NIPSNAP3B: variants seen among roughly 807,000 people sequenced by gnomAD.
NIPSNAP3B encodes nipsnap homolog 3B.
In NIPSNAP3B, 30 loss-of-function variants were observed where a neutral mutation model predicts 31.5. That is an observed-to-expected ratio of 0.95 (90% CI 0.71 to 1.29). The LOEUF (loss-of-function observed/expected upper bound fraction) is 1.29. Among genes scored for constraint, NIPSNAP3B ranks in the 50% most tolerant of loss-of-function variants. The pLI is 0.00. For missense variants in NIPSNAP3B, 269 were observed against 300.7 expected (o/e 0.89, Z 0.78); for synonymous variants, 106 against 107.9 (o/e 0.98, Z 0.11).
In NIPSNAP3B at chr9:104,768,989, C is replaced by T. The variant is rs779954080; in HGVS notation, c.398C>T (p.Pro133Leu). 1.2e-5 allele frequency: 19 copies of T among 1,613,434 alleles called. No individual in the cohort carries two copies. Among genetic ancestry groups the T allele is most frequent in the South Asian group, 5.5e-5 (5 of 91,022 alleles). The change falls in exon 3 of 6, where the codon CCA (proline) becomes CTA (leucine). Residue 133 changes from proline to leucine, a missense_variant. Coordinates refer to ENST00000374762, the MANE Select transcript of NIPSNAP3B (RefSeq NM_018376.4). The stretch of plus-strand genomic sequence containing the variant: ...GAGACGGAAATTACTTACCTGATAC[C>T]ATGGTCCAAATTAGAAAAGCCTCCA... ...KQETEITYLI[P>L]WSKLEKPPKE...
intron 4 of NIPSNAP3B, among the ~76,000 whole-genome samples, chr9:104,771,900 G>T (rs558859265): frequency 6.6e-6 from 1 of 152,070 alleles, no homozygotes; most frequent in East Asian, 1.9e-4. Context: ...GTTATTTTTT[G>T]ACTTTTTAGT....
At chr9:104,785,246 G>A in the NIPSNAP3B span, 15 of 1,005,228 alleles carry the variant, frequency 1.5e-5, no homozygotes, top group Non-Finnish European at 1.8e-5. Context: ...CAGGTTCAGA[G>A]AGGTTTAGTA....
intron 1 of NIPSNAP3B, 86 bp downstream of exon 1, chr9:104,764,386 A>T (rs1588164934): frequency 1.7e-6 from 2 of 1,207,008 alleles, no homozygotes; most frequent in South Asian, 1.5e-5. Flanking sequence ...AGCCACGCTC[A>T]GGCGCTCCCA....
At chr9:104,788,282 G>A in the NIPSNAP3B span, 1 of 1,254,188 alleles carries the variant, frequency 8.0e-7, no homozygotes, top group Non-Finnish European at 1.2e-6. Flanking sequence ...TTTCCACCCT[G>A]AAAGCAGATA....
At chr9:104,783,622 G>A in the NIPSNAP3B span, 51,208 of 152,270 alleles carry the variant, frequency 0.34, 9,305 homozygotes, top group East Asian at 0.76. Flanking sequence ...TCCCGTGCCT[G>A]GAGACACCCA....
At chr9:104,784,997 A>T in the NIPSNAP3B span, among the ~76,000 whole-genome samples, 2 of 152,132 alleles carry the variant, frequency 1.3e-5, no homozygotes, top group Admixed American at 1.3e-4. Flanking sequence ...CTGCTCAGTC[A>T]TCCATTTACT....
the NIPSNAP3B span, chr9:104,785,603 T>C: frequency 1.2e-6 from 2 of 1,614,156 alleles, no homozygotes; most frequent in East Asian, 2.2e-5. Context: ...GGTTGGACCC[T>C]GCTATTCGTA....
chr9:104,779,135 A>AT (rs1296610081), downstream of NIPSNAP3B, among the ~76,000 whole-genome samples: 3 of 151,996 alleles, frequency 2.0e-5, no homozygotes, highest in Non-Finnish European at 4.4e-5. Context: ...TTTTTATTCG[A>AT]TTCTGAGCAT....
the NIPSNAP3B span, chr9:104,784,304 A>T: frequency 1.9e-6 from 3 of 1,613,920 alleles, no homozygotes; most frequent in African/African-American, 4.0e-5. Flanking sequence ...ACCCCGTATG[A>T]ACAGGATTCT....
chr9:104,782,186 T>A (rs573577369), downstream of NIPSNAP3B: 41 of 152,232 alleles, frequency 2.7e-4, no homozygotes, highest in South Asian at 8.5e-3. Context: ...GAGAAATTAT[T>A]CTATAAATTC....
At chr9:104,785,313 C>G in the NIPSNAP3B span, 6 of 1,559,856 alleles carry the variant, frequency 3.8e-6, no homozygotes, top group Non-Finnish European at 5.3e-6. Flanking sequence ...AAGATACAAA[C>G]TGCTCTTGGA....
chr9:104,764,342 A>C, intron 1 of NIPSNAP3B, 42 bp downstream of exon 1: 1 of 1,501,818 alleles, frequency 6.7e-7, no homozygotes, highest in Non-Finnish European at 9.0e-7. Flanking sequence ...GCCGGAGGGG[A>C]GGGGAGGGGC....
chr9:104,769,259 G>A (rs185713625), intron 3 of NIPSNAP3B, among the ~76,000 whole-genome samples: 10 of 152,030 alleles, frequency 6.6e-5, no homozygotes, highest in Non-Finnish European at 2.9e-5. Context: ...TTCAAGATCC[G>A]CCTGGTCAAC....
chr9:104,772,921 A>G lies in NIPSNAP3B; in HGVS notation c.667+13A>G. The G allele has an allele frequency of 6.2e-7, 1 of 1,613,726 alleles. No individual in the cohort carries two copies. Among genetic ancestry groups the G allele is most frequent in the Non-Finnish European group, 8.5e-7 (1 of 1,179,836 alleles). Reference sequence around the variant, plus strand: ...GTTGTGGCGGCTGGTAAGCTGTTTCACTAAGCACGAATTATTTTTAGAACA... The same window carrying G: ...GTTGTGGCGGCTGGTAAGCTGTTTCGCTAAGCACGAATTATTTTTAGAACA... On this transcript the variant is annotated intron_variant, in intron 5 of 5. Transcript: ENST00000374762.
At position 104,776,162 on chromosome 9, in the gene NIPSNAP3B, T is replaced by A. The variant is rs1828332358; in HGVS notation, c.*3089T>A. 6.6e-6 allele frequency among the ~76,000 whole-genome samples: 1 copy of A among 152,178 alleles called. No homozygotes were observed. The highest frequency in any genetic ancestry group is 2.4e-5 in the African/African-American group (1 of 41,444). On this transcript the variant is annotated 3_prime_UTR_variant, in exon 6 of 6. Coordinates refer to ENST00000374762, the MANE Select transcript of NIPSNAP3B (RefSeq NM_018376.4). ...ATCTGTCCTGTTACATTTTCCACTCTCGCTCCAGACCTGACCTAAGAGGCT... is the reference window on the plus strand; with the variant it reads ...ATCTGTCCTGTTACATTTTCCACTCACGCTCCAGACCTGACCTAAGAGGCT...
downstream of NIPSNAP3B, chr9:104,781,754 T>C (rs962029262): frequency 6.6e-6 from 1 of 152,594 alleles, no homozygotes; most frequent in African/African-American, 2.4e-5. Flanking sequence ...GTCCCAAAGA[T>C]GCAAAAGCAG....
downstream of NIPSNAP3B, among the ~76,000 whole-genome samples, chr9:104,779,319 C>T (rs1315275767): frequency 6.6e-6 from 1 of 152,190 alleles, no homozygotes; most frequent in African/African-American, 2.4e-5. Flanking sequence ...TTTTCTTCTA[C>T]ATTGTACCCC....
chr9:104,789,231 G>A, the NIPSNAP3B span, among the ~76,000 whole-genome samples: 18 of 152,304 alleles, frequency 1.2e-4, no homozygotes, highest in East Asian at 1.9e-4. Context: ...CGTGGACACC[G>A]TGCCAGGCCC....
At chr9:104,769,453 C>A (rs865916823) in intron 3 of NIPSNAP3B, among the ~76,000 whole-genome samples, 637 of 109,232 alleles carry the variant, frequency 5.8e-3, no homozygotes, top group South Asian at 0.014. Context: ...GACTCCGTCT[C>A]AAAAAAAAAA....
Sources: allele counts gnomAD v4.1 joint callset (sites outside exome capture counted in the v4.1 genomes callset), GRCh38; gene constraint gnomAD v4.1.1; transcripts MANE v1.5; gene names NCBI Gene and HGNC (gene_info 2026-07-23, HGNC 2026-07-21).